Variants in RPGRIP1 observed in about 807,000 individuals in gnomAD.
The protein encoded by RPGRIP1 is RPGR interacting protein 1.
RPGRIP1 carries 128 observed loss-of-function variants against 157.9 expected under a neutral mutation model. The ratio of observed to expected loss-of-function variants is 0.81; its 90% CI spans 0.70 to 0.94. The LOEUF (loss-of-function observed/expected upper bound fraction) is 0.94. RPGRIP1 is among the 40% of genes least tolerant of loss of function. The pLI is 0.00. For synonymous variants in RPGRIP1, 554 were observed against 571.6 expected (o/e 0.97, Z 0.44); for missense variants, 1,486 against 1,545.8 (o/e 0.96, Z 0.65).
In RPGRIP1 at chr14:21,300,705, C is replaced by CATT. The variant is rs1378187329; in HGVS notation, c.219-261_219-260insATT. On this transcript the variant is annotated intron_variant, in intron 3 of 24. Coordinates refer to ENST00000400017, the MANE Select transcript of RPGRIP1 (RefSeq NM_020366.4). Reference sequence around the variant, plus strand: ...AAATACTATTGGGGTAGTGGCTCAACTTTTTTTTTTTTTTTTTTTTTTTTT... The same window carrying CATT: ...AAATACTATTGGGGTAGTGGCTCAACATTTTTTTTTTTTTTTTTTTTTTTTTTT... Among the ~76,000 whole-genome samples the CATT allele has an allele frequency of 5.2e-3, 380 of 73,498 alleles. 4 individuals carry two copies. Among genetic ancestry groups the CATT allele is most frequent in the African/African-American group, 0.019 (355 of 18,222 alleles). 48.2% of individuals were successfully genotyped at this position (73,498 alleles called of 152,430 possible).
intron 21 of RPGRIP1, among the ~76,000 whole-genome samples, chr14:21,336,028 T>G (rs548100092): frequency 6.6e-6 from 1 of 152,278 alleles, no homozygotes; most frequent in South Asian, 2.1e-4. Flanking sequence ...TAAATAAGAA[T>G]GTAGGATGAC....
At chr14:21,317,203 A>C (rs1369258228) in intron 10 of RPGRIP1, among the ~76,000 whole-genome samples, 1 of 152,162 alleles carries the variant, frequency 6.6e-6, no homozygotes, top group Non-Finnish European at 1.5e-5. Context: ...AGCTTGATAC[A>C]ATAGGGTGGA....
At chr14:21,307,873 G>GTTTCCCCCCACCAA in intron 7 of RPGRIP1, 37 bp downstream of exon 7, 3 of 1,140,106 alleles carry the variant, frequency 2.6e-6, no homozygotes, top group Non-Finnish European at 3.7e-6. Flanking sequence ...TCTTGGTGGG[G>GTTTCCCCCCACCAA]GGAAACCCCA....
In RPGRIP1 at chr14:21,303,683, G is replaced by A. The variant is rs115516849; in HGVS notation, c.800+140G>A. 1.8e-3 allele frequency: 1,189 copies of A among 677,228 alleles called. 10 individuals carry two copies. The African/African-American group carries it at 0.018, about 10-fold the overall frequency. The allele number at this position is 677,228 out of a possible 1,614,324, so 42.0% of individuals were successfully genotyped here. ...CGGAGTAGTAGACACGGAGTCCCTC[G>A]TAGGTTAAGAAATGGATTAACCTGC... is the stretch of plus-strand genomic sequence containing the variant. On this transcript the variant is annotated intron_variant, in intron 6 of 24. Transcript: ENST00000400017.
intron 10 of RPGRIP1, chr14:21,317,420 T>C: frequency 1.6e-6 from 1 of 638,532 alleles, no homozygotes. Context: ...AAAGCCATCA[T>C]GGTGGAGAAG....
At chr14:21,347,375 C>T (rs552237546) in intron 23 of RPGRIP1, among the ~76,000 whole-genome samples, 3 of 152,350 alleles carry the variant, frequency 2.0e-5, no homozygotes, top group South Asian at 4.1e-4. Context: ...GTTATCATCC[C>T]TTTCCTATGC....
At chr14:21,314,085 C>T (rs1486166974) in intron 10 of RPGRIP1, among the ~76,000 whole-genome samples, 1 of 151,878 alleles carries the variant, frequency 6.6e-6, no homozygotes, top group Non-Finnish European at 1.5e-5. Flanking sequence ...GGAGCTGGGA[C>T]CACAGGTGCA....
intron 21 of RPGRIP1, among the ~76,000 whole-genome samples, chr14:21,338,205 C>T (rs1221475477): frequency 2.6e-5 from 4 of 152,202 alleles, no homozygotes; most frequent in Admixed American, 6.5e-5. Flanking sequence ...CGTGAGCCAC[C>T]GCTCCTGGCC....
intron 1 of RPGRIP1, among the ~76,000 whole-genome samples, chr14:21,281,199 G>A (rs942502370): frequency 6.6e-6 from 1 of 151,924 alleles, no homozygotes; most frequent in African/African-American, 2.4e-5. Flanking sequence ...TGCATTTTTA[G>A]TAGAGACAGG....
intron 19 of RPGRIP1, among the ~76,000 whole-genome samples, chr14:21,329,039 G>C (rs1883424849): frequency 6.6e-6 from 1 of 150,682 alleles, no homozygotes; most frequent in Non-Finnish European, 1.5e-5. Flanking sequence ...AGTTACTCGG[G>C]AGGCTGAGGA....
At chr14:21,311,060 C>T (rs889247118) in intron 8 of RPGRIP1, 8 of 416,524 alleles carry the variant, frequency 1.9e-5, no homozygotes, top group Non-Finnish European at 3.9e-5. Context: ...AGACAGAGTT[C>T]CAAACGAGAC....
At chr14:21,302,336 A>G (rs1418660730) in intron 4 of RPGRIP1, among the ~76,000 whole-genome samples, 152 bp from the exon 5 acceptor site, 2 of 73,540 alleles carry the variant, frequency 2.7e-5, no homozygotes, top group African/African-American at 1.2e-4. Context: ...TGCAAGAGTA[A>G]AAAAAAAACT....
At chr14:21,344,421 C>T (rs141977980) in intron 22 of RPGRIP1, among the ~76,000 whole-genome samples, 2,159 of 152,206 alleles carry the variant, frequency 0.014, 178 homozygotes, top group Admixed American at 0.13. Flanking sequence ...TGCTCTAGCC[C>T]ACTGTTTCAT....
intron 23 of RPGRIP1, among the ~76,000 whole-genome samples, chr14:21,345,935 T>C (rs949054598): frequency 2.0e-5 from 3 of 152,134 alleles, no homozygotes; most frequent in East Asian, 3.9e-4. Flanking sequence ...TTCTTCTGCC[T>C]GAGCCTCCCA....
chr14:21,325,992 C>T lies in RPGRIP1; in HGVS notation c.2529C>T (p.Asn843=), dbSNP rs74034911. The stretch of plus-strand genomic sequence containing the variant: ...ACACTGCCATCATTCCAGCCAGTAA[C>T]AACCCCTACTTTAGAGACCAGGCTC... ...DHDTAIIPAS[N]NPYFRDQARF... The change falls in exon 17 of 25, where the codon AAC becomes AAT. Residue 843 remains asparagine (N), a synonymous_variant. Coordinates refer to ENST00000400017, the MANE Select transcript of RPGRIP1 (RefSeq NM_020366.4). 5.6e-5 allele frequency: 91 copies of T among 1,614,018 alleles called. No individual in the cohort carries two copies. The African/African-American group carries it at 1.2e-3, about 21-fold the overall frequency.
intron 14 of RPGRIP1, 196 bp from the exon 15 acceptor site, chr14:21,324,422 T>C (rs1882828290): frequency 3.3e-6 from 2 of 613,764 alleles, no homozygotes; most frequent in East Asian, 2.8e-5. Context: ...AAAGCTGGCA[T>C]TGGATTATTT....
chr14:21,303,227 A>T, intron 5 of RPGRIP1, 104 bp from the exon 6 acceptor site: 1 of 759,084 alleles, frequency 1.3e-6, no homozygotes, highest in Non-Finnish European at 2.1e-6. Flanking sequence ...ATTTTCCTCG[A>T]CATGTACCAA....
At chr14:21,321,232 CT>C in intron 12 of RPGRIP1, 26 bp from the exon 13 acceptor site, 1 of 1,603,312 alleles carries the variant, frequency 6.2e-7, no homozygotes. Flanking sequence ...TTTATACTCC[CT>C]TTTACCAATG....
chr14:21,287,299 A>G lies in RPGRIP1; in HGVS notation c.-38-640A>G, dbSNP rs530873146. On this transcript the variant is annotated intron_variant, in intron 1 of 24. Transcript: ENST00000400017. ...TGTAATCCCGGCTAGACTGGATACT[A>G]TCATCCAGGAAAAAAAGTGTTGGCC... 3.9e-5 allele frequency among the ~76,000 whole-genome samples: 6 copies of G among 152,270 alleles called. No homozygotes were observed. In the East Asian group the frequency reaches 1.2e-3, roughly 29 times the overall value.
Sources: allele counts gnomAD v4.1 joint callset (sites outside exome capture counted in the v4.1 genomes callset), GRCh38; gene constraint gnomAD v4.1.1; transcripts MANE v1.5; gene names NCBI Gene and HGNC (gene_info 2026-07-23, HGNC 2026-07-21).